DPH6: variants seen among roughly 807,000 people sequenced by gnomAD.
The protein encoded by DPH6 is diphthamine biosynthesis 6, also known as diphthine--ammonia ligase.
In DPH6, 33 loss-of-function variants were observed where a neutral mutation model predicts 38.2. That is an observed-to-expected ratio of 0.86 (90% confidence interval 0.65 to 1.15). The LOEUF is 1.15. Among genes scored for constraint, DPH6 ranks in the 50% most tolerant of loss-of-function variants. DPH6 has a pLI of 0.00. For synonymous variants in DPH6, 108 were observed against 103.0 expected (o/e 1.05, Z -0.30); for missense variants, 325 against 320.0 (o/e 1.02, Z -0.12).
At chr15:35,469,046 G>A (rs2054164772) in intron 3 of DPH6, among the ~76,000 whole-genome samples, 1 of 149,308 alleles carries the variant, frequency 6.7e-6, no homozygotes, top group Non-Finnish European at 1.5e-5. Context: ...CTCCAGCCTG[G>A]GCAACAAGAG....
At chr15:35,370,297 A>G (rs973165580), downstream of DPH6, among the ~76,000 whole-genome samples, 2 of 151,750 alleles carry the variant, frequency 1.3e-5, no homozygotes, top group Non-Finnish European at 3.0e-5. Flanking sequence ...ACAGATAGAT[A>G]TAACATTAAA....
chr15:35,283,922 C>T (rs1453421140), intron 3 of DPH6, among the ~76,000 whole-genome samples: 1 of 152,138 alleles, frequency 6.6e-6, no homozygotes, highest in Non-Finnish European at 1.5e-5. Context: ...ACTAGTGATT[C>T]TTCTGGGTCT....
At chr15:35,545,291 T>A (rs1307906060) in intron 1 of DPH6, among the ~76,000 whole-genome samples, 1 of 152,202 alleles carries the variant, frequency 6.6e-6, no homozygotes, top group Non-Finnish European at 1.5e-5. Flanking sequence ...GTTTATAGAT[T>A]GAGTATGGAA....
chr15:35,502,704 A>C (rs901126373), intron 3 of DPH6, among the ~76,000 whole-genome samples: 1 of 151,786 alleles, frequency 6.6e-6, no homozygotes, highest in Non-Finnish European at 1.5e-5. Flanking sequence ...TTCTTGAAGC[A>C]ACTTATATGC....
At chr15:35,207,747 A>G in the DPH6 span, among the ~76,000 whole-genome samples, 1 of 152,184 alleles carries the variant, frequency 6.6e-6, no homozygotes, top group Non-Finnish European at 1.5e-5. Flanking sequence ...TTCCCAAACT[A>G]ATTTTCTTCT....
chr15:35,211,498 G>A, the DPH6 span, among the ~76,000 whole-genome samples: 13 of 152,146 alleles, frequency 8.5e-5, no homozygotes, highest in Admixed American at 3.9e-4. Flanking sequence ...CAGCTGAAGA[G>A]GGGGAGGAGG....
chr15:35,386,302 A>T (rs1402081180), intron 6 of DPH6, among the ~76,000 whole-genome samples: 1 of 152,228 alleles, frequency 6.6e-6, no homozygotes, highest in Admixed American at 6.5e-5. Flanking sequence ...GTGCTGCAAT[A>T]AACATATGTG....
rs989937368 is a variant in DPH6 at position 35,405,930 on chromosome 15, T to C, written c.567+4905A>G. ...AAGGGATGTTGAAGTTTATCAAATG[T>C]TGAGGTATGTTCTTTCTATACTAGG... On this transcript the variant is annotated intron_variant, in intron 6 of 8. Transcript: ENST00000256538. Among the ~76,000 whole-genome samples, 26 of 151,950 alleles carry C rather than the reference T, an allele frequency of 1.7e-4. 1 individual carries two copies. Among genetic ancestry groups the C allele is most frequent in the African/African-American group, 5.6e-4 (23 of 41,420 alleles).
the DPH6 span, among the ~76,000 whole-genome samples, chr15:35,211,572 T>C: frequency 6.6e-6 from 1 of 152,236 alleles, no homozygotes; most frequent in Admixed American, 6.5e-5. Context: ...TTTGGAATGT[T>C]AAAAATATTG....
At chr15:35,372,292 T>C in intron 8 of DPH6, 89 bp from the exon 9 acceptor site, 2 of 1,078,420 alleles carry the variant, frequency 1.9e-6, no homozygotes, top group South Asian at 5.2e-5. Context: ...GTAATACTGT[T>C]ATCTGAAATA....
chr15:35,170,974 T>C, the DPH6 span, among the ~76,000 whole-genome samples: 1 of 152,206 alleles, frequency 6.6e-6, no homozygotes, highest in African/African-American at 2.4e-5. Context: ...TTAAATAGAA[T>C]ATTCTAAAAC....
intron 6 of DPH6, among the ~76,000 whole-genome samples, chr15:35,389,170 C>T (rs1209609084): frequency 1.3e-5 from 2 of 152,154 alleles, no homozygotes; most frequent in African/African-American, 2.4e-5. Flanking sequence ...TTTCTCAATC[C>T]TGAGTTCTAG....
intron 3 of DPH6, among the ~76,000 whole-genome samples, chr15:35,339,787 G>A (rs921113376): frequency 2.0e-5 from 3 of 152,078 alleles, no homozygotes; most frequent in Admixed American, 6.6e-5. Context: ...ATTTGCTGAG[G>A]GGTGTTTTAC....
At chr15:35,514,714 T>A (rs1366237940) in intron 3 of DPH6, among the ~76,000 whole-genome samples, 1 of 152,190 alleles carries the variant, frequency 6.6e-6, no homozygotes, top group East Asian at 1.9e-4. Flanking sequence ...GAGAAACTTA[T>A]CTCTGAAAAA....
downstream of DPH6, chr15:35,330,798 C>A (rs536120153): frequency 2.6e-5 from 4 of 152,024 alleles, no homozygotes; most frequent in African/African-American, 9.7e-5. Context: ...ACAGTCAATG[C>A]TAATCATTAA....
intron 3 of DPH6, among the ~76,000 whole-genome samples, chr15:35,322,912 A>G (rs1312282785): frequency 1.3e-5 from 2 of 152,074 alleles, no homozygotes; most frequent in Non-Finnish European, 2.9e-5. Flanking sequence ...TCTGAACATC[A>G]TGTTTATCTC....
chr15:35,327,494 T>A (rs1417516784), downstream of DPH6, among the ~76,000 whole-genome samples: 1 of 152,048 alleles, frequency 6.6e-6, no homozygotes, highest in Non-Finnish European at 1.5e-5. Context: ...CACAGGTGCC[T>A]GCTGCCATGC....
the DPH6 span, among the ~76,000 whole-genome samples, chr15:35,158,615 A>G: frequency 1.3e-5 from 2 of 152,230 alleles, no homozygotes; most frequent in South Asian, 2.1e-4. Context: ...CTTGAATTAA[A>G]TAAGTGGGAG....
intron 3 of DPH6, among the ~76,000 whole-genome samples, chr15:35,514,557 C>T (rs1272521249): frequency 6.6e-6 from 1 of 152,074 alleles, no homozygotes; most frequent in East Asian, 1.9e-4. Context: ...TCTCAGGATA[C>T]ATTGAATTGG....
Sources: allele counts gnomAD v4.1 joint callset (sites outside exome capture counted in the v4.1 genomes callset), GRCh38; gene constraint gnomAD v4.1.1; transcripts MANE v1.5; gene names NCBI Gene and HGNC (gene_info 2026-07-23, HGNC 2026-07-21).